The following AGBL4 variants were observed in gnomAD, a reference collection of about 807,000 sequenced individuals.
AGBL4 encodes the protein cytosolic carboxypeptidase 6.
In AGBL4, 58 loss-of-function variants were observed where a neutral mutation model predicts 66.4. The ratio of observed to expected loss-of-function variants is 0.87; its 90% CI spans 0.71 to 1.09. The LOEUF (loss-of-function observed/expected upper bound fraction) is 1.09, where lower values mean the gene tolerates loss of function less well. Ranked by LOEUF, AGBL4 falls within the 50% of genes least tolerant of loss-of-function variation. The pLI is 0.00. For synonymous variants in AGBL4, 234 were observed against 222.9 expected (o/e 1.05, Z -0.44); for missense variants, 579 against 631.0 (o/e 0.92, Z 0.88).
intron 3 of AGBL4, among the ~76,000 whole-genome samples, chr1:49,439,318 A>G (rs916024252): frequency 6.6e-6 from 1 of 151,986 alleles, no homozygotes; most frequent in Non-Finnish European, 1.5e-5. Context: ...AAGTAGCACC[A>G]CTCCTTAGTG....
intron 4 of AGBL4, among the ~76,000 whole-genome samples, chr1:49,229,960 AG>A (rs1190725584): frequency 1.3e-5 from 2 of 152,116 alleles, no homozygotes. Flanking sequence ...TTACACCAAA[AG>A]CTAGATATAA....
intron 4 of AGBL4, among the ~76,000 whole-genome samples, chr1:49,086,147 T>C (rs566249857): frequency 2.6e-5 from 4 of 151,764 alleles, no homozygotes; most frequent in Middle Eastern, 3.4e-3. Context: ...CAGGTGGCGA[T>C]AGGCAATACC....
chr1:49,244,078 A>C (rs866614313), intron 4 of AGBL4, among the ~76,000 whole-genome samples: 17 of 151,868 alleles, frequency 1.1e-4, no homozygotes, highest in African/African-American at 7.2e-5. Flanking sequence ...AGAAAAAAGA[A>C]GCAAAGTGAA....
At chr1:49,789,607 C>T (rs1644543119) in intron 2 of AGBL4, among the ~76,000 whole-genome samples, 1 of 152,028 alleles carries the variant, frequency 6.6e-6, no homozygotes, top group African/African-American at 2.4e-5. Context: ...TAATAAAATA[C>T]CTAGGAATAC....
At chr1:49,080,037 G>T (rs186068539) in intron 4 of AGBL4, among the ~76,000 whole-genome samples, 1 of 152,220 alleles carries the variant, frequency 6.6e-6, no homozygotes, top group Admixed American at 6.5e-5. Context: ...CCAACTTAGC[G>T]TATTTAATAT....
At chr1:49,699,097 T>C (rs1425657893) in intron 2 of AGBL4, among the ~76,000 whole-genome samples, 2 of 152,116 alleles carry the variant, frequency 1.3e-5, no homozygotes, top group African/African-American at 2.4e-5. Flanking sequence ...TTTCAGAATC[T>C]ACCATAGCTA....
chr1:49,953,704 A>C (rs926885699), intron 1 of AGBL4, among the ~76,000 whole-genome samples: 4 of 149,894 alleles, frequency 2.7e-5, no homozygotes, highest in Non-Finnish European at 5.9e-5. Context: ...CCAAACTCCA[A>C]AAAAAAAAAT....
At chr1:49,387,602 TA>T (rs1237861028) in intron 3 of AGBL4, among the ~76,000 whole-genome samples, 1 of 152,166 alleles carries the variant, frequency 6.6e-6, no homozygotes, top group East Asian at 1.9e-4. Flanking sequence ...AATGTGGTGT[TA>T]ATGTCAAAAC....
chr1:49,288,559 T>C (rs1357726414), intron 3 of AGBL4, among the ~76,000 whole-genome samples: 1 of 152,154 alleles, frequency 6.6e-6, no homozygotes, highest in African/African-American at 2.4e-5. Flanking sequence ...TTCAATTCAC[T>C]TGCAAAATTC....
At chr1:49,718,479 A>G (rs1648334909) in intron 2 of AGBL4, among the ~76,000 whole-genome samples, 1 of 152,130 alleles carries the variant, frequency 6.6e-6, no homozygotes, top group Non-Finnish European at 1.5e-5. Flanking sequence ...GCAGCAATGT[A>G]AGAACAGACT....
chr1:48,934,703 C>T (rs915142435), intron 5 of AGBL4, among the ~76,000 whole-genome samples: 2 of 152,160 alleles, frequency 1.3e-5, no homozygotes, highest in Non-Finnish European at 2.9e-5. Context: ...TACCCTCATC[C>T]CTACAACCAG....
At position 48,972,161 on chromosome 1, in the gene AGBL4, G is replaced by T. The variant is rs145640902; in HGVS notation, c.594+73423C>A. ...TAAACTTACCTCACTTCGTACCGAG[G>T]TGCTTTTTTCATGAAAAGTCCCCAC... On this transcript the variant is annotated intron_variant, in intron 5 of 13. Transcript: ENST00000371839. 3.8e-3 allele frequency among the ~76,000 whole-genome samples: 579 copies of T among 152,186 alleles called. 2 individuals carry two copies. Among genetic ancestry groups the T allele is most frequent in the Non-Finnish European group, 5.1e-3 (349 of 68,010 alleles).
At chr1:48,561,800 C>T (rs540287004) in intron 11 of AGBL4, among the ~76,000 whole-genome samples, 16 of 152,136 alleles carry the variant, frequency 1.1e-4, no homozygotes, top group African/African-American at 2.2e-4. Flanking sequence ...TTGGAACTTG[C>T]GCCATCAGCT....
chr1:49,256,655 G>C (rs1652531545), intron 3 of AGBL4, among the ~76,000 whole-genome samples: 1 of 152,172 alleles, frequency 6.6e-6, no homozygotes, highest in Non-Finnish European at 1.5e-5. Flanking sequence ...GCATGTAAAA[G>C]TTGATAATTT....
intron 3 of AGBL4, among the ~76,000 whole-genome samples, chr1:49,536,451 AT>A (rs1187172770): frequency 1.3e-5 from 2 of 152,196 alleles, no homozygotes; most frequent in Non-Finnish European, 2.9e-5. Context: ...TGTATTCTGA[AT>A]AAAAAAATTA....
intron 5 of AGBL4, among the ~76,000 whole-genome samples, chr1:48,961,587 G>A (rs1657981210): frequency 6.6e-6 from 1 of 152,166 alleles, no homozygotes; most frequent in Non-Finnish European, 1.5e-5. Flanking sequence ...GTTGAGAAAA[G>A]AGCAACCAAG....
At position 49,045,603 on chromosome 1, in the gene AGBL4, TC is replaced by T. The variant is rs1213285536; in HGVS notation, c.574del (p.Glu192SerfsTer15). The T allele has an allele frequency of 6.2e-6, 10 of 1,604,402 alleles. No individual in the cohort carries two copies. In the Admixed American group the frequency reaches 1.4e-4, roughly 22 times the overall value. ...QKRNMDYFFR[E>X]QLGQSVQQRK... ...CCTTACCACACTCTGGCCCAGCTGCTCCCGAAAGAAGTAATCCATGTTTCTC... is the reference window on the plus strand; with the variant it reads ...CCTTACCACACTCTGGCCCAGCTGCTCCGAAAGAAGTAATCCATGTTTCTC... On this transcript the variant is annotated frameshift_variant, in exon 5 of 14. Transcript: ENST00000371839. LOFTEE classifies it high-confidence loss of function.
chr1:49,567,177 C>T lies in AGBL4; in HGVS notation c.282+130136G>A, dbSNP rs1042478650. Among the ~76,000 whole-genome samples the T allele has an allele frequency of 5.3e-5, 8 of 152,204 alleles. No homozygotes were observed. In the East Asian group the frequency reaches 9.7e-4, roughly 18 times the overall value. On this transcript the variant is annotated intron_variant, in intron 3 of 13. Coordinates refer to ENST00000371839, the MANE Select transcript of AGBL4 (RefSeq NM_032785.4). ...GTGCAGTATTAGGGTGGGAGTGACC[C>T]GATTTTCCAGGTGCCGTCTGTCACC... is the stretch of plus-strand genomic sequence containing the variant.
At chr1:49,169,079 C>T (rs769274631) in intron 4 of AGBL4, among the ~76,000 whole-genome samples, 1 of 152,160 alleles carries the variant, frequency 6.6e-6, no homozygotes, top group African/African-American at 2.4e-5. Flanking sequence ...ACTCTTGGTG[C>T]CCTGAGATTG....
Sources: allele counts gnomAD v4.1 joint callset (sites outside exome capture counted in the v4.1 genomes callset), GRCh38; gene constraint gnomAD v4.1.1; transcripts MANE v1.5; gene names NCBI Gene and HGNC (gene_info 2026-07-23, HGNC 2026-07-21).